Variants in PAN3 observed in about 807,000 individuals in gnomAD.
PAN3 encodes poly(A) specific ribonuclease subunit PAN3.
Under a neutral mutation model 96.2 loss-of-function variants are expected in PAN3, and 19 were observed. That is an observed-to-expected ratio of 0.20 (90% confidence interval 0.14 to 0.29). The LOEUF (loss-of-function observed/expected upper bound fraction) is 0.29. Ranked by LOEUF, PAN3 falls within the 10% of genes least tolerant of loss-of-function variation. PAN3 has a pLI of 1.00. For missense variants in PAN3, 882 were observed against 1,108.1 expected (o/e 0.80, Z 2.90); for synonymous variants, 433 against 406.6 (o/e 1.06, Z -0.78).
At chr13:28,210,444 G>C (rs1309116551) in intron 5 of PAN3, among the ~76,000 whole-genome samples, 1 of 152,072 alleles carries the variant, frequency 6.6e-6, no homozygotes, top group African/African-American at 2.4e-5. Context: ...CTAGTAATTA[G>C]CTTTCTTCTG....
Position 28,292,738 on chromosome 13 carries a change from G to T in PAN3, c.*216G>T, listed in dbSNP as rs1182871851. 2 of 375,108 alleles carry T rather than the reference G, an allele frequency of 5.3e-6. No homozygotes were observed. Among genetic ancestry groups the T allele is most frequent in the Non-Finnish European group, 9.4e-6 (2 of 213,684 alleles). The allele number at this position is 375,108 out of a possible 1,614,324, so 23.2% of individuals were successfully genotyped here. On this transcript the variant is annotated 3_prime_UTR_variant, in exon 19 of 19. Coordinates refer to ENST00000380958, the MANE Select transcript of PAN3 (RefSeq NM_175854.8). ...GCCATTGGAGGCTGTTATCTGTGAAGAATTTATTTTAGATTTAGGAGCACC... is the reference window on the plus strand; with the variant it reads ...GCCATTGGAGGCTGTTATCTGTGAATAATTTATTTTAGATTTAGGAGCACC...
intron 6 of PAN3, among the ~76,000 whole-genome samples, chr13:28,248,164 A>G (rs192757272): frequency 2.0e-5 from 3 of 152,144 alleles, no homozygotes; most frequent in South Asian, 4.1e-4. Context: ...TAGATATTCT[A>G]TATTTTTTGT....
At chr13:28,275,266 C>A (rs537389382) in intron 14 of PAN3, among the ~76,000 whole-genome samples, 1 of 152,236 alleles carries the variant, frequency 6.6e-6, no homozygotes, top group East Asian at 1.9e-4. Flanking sequence ...GATGTTCTTA[C>A]CTTGAGTCCG....
At chr13:28,147,016 A>G (rs904576491) in intron 1 of PAN3, among the ~76,000 whole-genome samples, 3 of 152,136 alleles carry the variant, frequency 2.0e-5, no homozygotes, top group Admixed American at 6.5e-5. Context: ...TAGAAAAGGT[A>G]CAGTAAAAAT....
intron 1 of PAN3, among the ~76,000 whole-genome samples, chr13:28,151,777 G>A (rs1360154984): frequency 6.6e-6 from 1 of 152,182 alleles, no homozygotes; most frequent in African/African-American, 2.4e-5. Context: ...CTGAGATGAG[G>A]AAGGCTGCAG....
At chr13:28,149,597 A>G (rs919325963) in intron 1 of PAN3, among the ~76,000 whole-genome samples, 1 of 152,032 alleles carries the variant, frequency 6.6e-6, no homozygotes, top group Non-Finnish European at 1.5e-5. Context: ...TTACTAGTCG[A>G]TCTACATTCA....
chr13:28,244,307 AAGT>A (rs1354107892), intron 6 of PAN3, among the ~76,000 whole-genome samples: 3 of 152,198 alleles, frequency 2.0e-5, no homozygotes, highest in Non-Finnish European at 4.4e-5. Context: ...ATATTTTAAA[AAGT>A]AGTCTGAGAG....
intron 5 of PAN3, among the ~76,000 whole-genome samples, chr13:28,207,808 A>C (rs957264138): frequency 6.6e-6 from 1 of 152,186 alleles, no homozygotes; most frequent in African/African-American, 2.4e-5. Flanking sequence ...TGATACATGG[A>C]TGTTCTGAGT....
chr13:28,209,654 TTTC>T (rs1879791911), intron 5 of PAN3, among the ~76,000 whole-genome samples: 1 of 152,206 alleles, frequency 6.6e-6, no homozygotes. Context: ...TTGTGTCATT[TTTC>T]TTCTTAGCTT....
chr13:28,259,197 G>A (rs947124377), intron 7 of PAN3, among the ~76,000 whole-genome samples: 4 of 151,200 alleles, frequency 2.6e-5, no homozygotes, highest in African/African-American at 9.7e-5. Context: ...GCACGATCTC[G>A]GCTCACTGCA....
intron 6 of PAN3, among the ~76,000 whole-genome samples, chr13:28,220,718 A>T (rs1309640255): frequency 6.6e-6 from 1 of 152,202 alleles, no homozygotes; most frequent in East Asian, 1.9e-4. Context: ...CATCAGAAAG[A>T]ACGTGAATAT....
intron 5 of PAN3, among the ~76,000 whole-genome samples, chr13:28,204,915 A>G (rs1286877569): frequency 6.6e-6 from 1 of 152,214 alleles, no homozygotes; most frequent in Non-Finnish European, 1.5e-5. Context: ...TGCATGTGTT[A>G]GGGGATCCAT....
chr13:28,181,458 G>A (rs568051716), intron 4 of PAN3, among the ~76,000 whole-genome samples: 1 of 142,828 alleles, frequency 7.0e-6, no homozygotes, highest in South Asian at 2.2e-4. Flanking sequence ...GCTGCAGTGA[G>A]CCGTGATCAC....
chr13:28,277,222 A>G lies in PAN3; in HGVS notation c.2050-15A>G. Reference sequence around the variant, plus strand: ...GAAATGAAAATTAAAAGTTATATTTATTCTTTCATGTCAGCAAGCAGATCT... The same window carrying G: ...GAAATGAAAATTAAAAGTTATATTTGTTCTTTCATGTCAGCAAGCAGATCT... On this transcript the variant is annotated splice_polypyrimidine_tract_variant and intron_variant, in intron 14 of 18. Coordinates refer to ENST00000380958, the MANE Select transcript of PAN3 (RefSeq NM_175854.8). The G allele has an allele frequency of 6.3e-7, 1 of 1,597,644 alleles. No homozygotes were observed. The highest frequency in any genetic ancestry group is 1.1e-5 in the South Asian group (1 of 87,974).
intron 6 of PAN3, among the ~76,000 whole-genome samples, chr13:28,223,759 G>C (rs550411735): frequency 1.1e-4 from 16 of 151,680 alleles, no homozygotes; most frequent in African/African-American, 3.4e-4. Context: ...TTTTCTAGTA[G>C]CTCTGGCTTA....
intron 1 of PAN3, among the ~76,000 whole-genome samples, chr13:28,149,492 T>C (rs779258405): frequency 2.6e-5 from 4 of 152,250 alleles, no homozygotes; most frequent in Non-Finnish European, 5.9e-5. Context: ...AAATCGCGTC[T>C]TTGGTAACTT....
chr13:28,268,310 A>G (rs979567459), intron 12 of PAN3, among the ~76,000 whole-genome samples: 1 of 152,088 alleles, frequency 6.6e-6, no homozygotes, highest in Non-Finnish European at 1.5e-5. Flanking sequence ...ATATAATTTA[A>G]TGATTCCTAT....
At chr13:28,288,977 C>CCTGTAGTGG (rs1869352854) in intron 18 of PAN3, among the ~76,000 whole-genome samples, 1 of 151,966 alleles carries the variant, frequency 6.6e-6, no homozygotes, top group Admixed American at 6.6e-5. Flanking sequence ...CAGGCACCCA[C>CCTGTAGTGG]CACCATGCCC....
intron 5 of PAN3, among the ~76,000 whole-genome samples, chr13:28,207,781 A>G (rs1006837271): frequency 1.3e-5 from 2 of 152,220 alleles, no homozygotes; most frequent in Non-Finnish European, 2.9e-5. Flanking sequence ...GGCACATTGT[A>G]GATAATATAT....
Sources: allele counts gnomAD v4.1 joint callset (sites outside exome capture counted in the v4.1 genomes callset), GRCh38; gene constraint gnomAD v4.1.1; transcripts MANE v1.5; gene names NCBI Gene and HGNC (gene_info 2026-07-23, HGNC 2026-07-21).